Variants in RALGAPB observed in about 807,000 individuals in gnomAD.
RALGAPB encodes Ral GTPase activating protein non-catalytic subunit beta, also known as ral GTPase-activating protein subunit beta.
In RALGAPB, 25 loss-of-function variants were observed where a neutral mutation model predicts 161.1. The ratio of observed to expected loss-of-function variants is 0.16; its 90% CI spans 0.11 to 0.22. The LOEUF is 0.22. Ranked by LOEUF, RALGAPB falls within the 10% of genes least tolerant of loss-of-function variation. The probability of loss-of-function intolerance (pLI) is 1.00; values close to 1 mark genes in which losing one functional copy is unlikely to be tolerated. For missense variants in RALGAPB, 1,391 were observed against 1,815.2 expected (o/e 0.77, Z 4.25); for synonymous variants, 629 against 626.1 (o/e 1.00, Z -0.07).
chr20:38,549,585 TACAC>T lies in RALGAPB; in HGVS notation c.3009+804_3009+807del, dbSNP rs11470933. Among the ~76,000 whole-genome samples the T allele has an allele frequency of 1.7e-3, 252 of 147,400 alleles. 5 individuals carry two copies. In the East Asian group the frequency reaches 0.027, roughly 16 times the overall value. The stretch of plus-strand genomic sequence containing the variant: ...ATATACACACACACACACATACATA[TACAC>T]ACACACACACACATATGTATGCTGT... On this transcript the variant is annotated intron_variant, in intron 20 of 29. Transcript: ENST00000262879.
In RALGAPB at chr20:38,509,096, G is replaced by T; in HGVS notation, c.760G>T (p.Gly254Cys). 2 of 1,613,616 alleles carry T rather than the reference G, an allele frequency of 1.2e-6. No individual in the cohort carries two copies. Residue 254 changes from glycine to cysteine, a missense_variant, in exon 6 of 30, where the codon GGT becomes TGT. Gly to Cys is a radical substitution (Grantham distance 159). Transcript: ENST00000262879. Reference sequence around the variant, plus strand: ...TTCTAGATTGCTACGCTTTACATATGGTCCTTCATTTCCTGCATTTAAAGT... The same window carrying T: ...TTCTAGATTGCTACGCTTTACATATTGTCCTTCATTTCCTGCATTTAAAGT... ...LTSRLLRFTY[G>C]PSFPAFKVPD... is the part of the protein sequence containing the mutation.
At position 38,501,957 on chromosome 20, in the gene RALGAPB, A is replaced by T. The variant is rs552195333; in HGVS notation, c.740+2324A>T. Reference sequence around the variant, plus strand: ...CTTGTATCATTTACTACCATAAAATACACACAAATGTATTATACTAAATTA... The same window carrying T: ...CTTGTATCATTTACTACCATAAAATTCACACAAATGTATTATACTAAATTA... On this transcript the variant is annotated intron_variant, in intron 5 of 29. Coordinates refer to ENST00000262879, the MANE Select transcript of RALGAPB (RefSeq NM_020336.4). Among the ~76,000 whole-genome samples the T allele has an allele frequency of 6.6e-5, 10 of 152,342 alleles. No individual in the cohort carries two copies. The East Asian group carries it at 1.9e-3, about 29-fold the overall frequency.
intron 2 of RALGAPB, among the ~76,000 whole-genome samples, chr20:38,490,011 CTTTT>C (rs1279117242): frequency 1.4e-5 from 2 of 140,584 alleles, no homozygotes; most frequent in Non-Finnish European, 1.6e-5. Flanking sequence ...TGGAATTATA[CTTTT>C]TTTTTTTTTT....
At chr20:38,480,639 C>T (rs1368691567) in intron 1 of RALGAPB, among the ~76,000 whole-genome samples, 3 of 151,604 alleles carry the variant, frequency 2.0e-5, no homozygotes, top group Admixed American at 6.6e-5. Flanking sequence ...TCACCTGCGT[C>T]GGCCTCCCAA....
chr20:38,520,320 T>C (rs1387251518), intron 9 of RALGAPB: 1 of 781,906 alleles, frequency 1.3e-6, no homozygotes, highest in African/African-American at 1.9e-5. Context: ...GTCATGTTTT[T>C]ATTTTTTTCA....
intron 23 of RALGAPB, among the ~76,000 whole-genome samples, chr20:38,558,736 G>A (rs1056410416): frequency 5.9e-5 from 9 of 152,134 alleles, no homozygotes; most frequent in African/African-American, 1.9e-4. Context: ...ATAAATTATT[G>A]AACTGTAGGA....
intron 22 of RALGAPB, among the ~76,000 whole-genome samples, chr20:38,557,755 G>A (rs1461622378): frequency 6.6e-6 from 1 of 152,200 alleles, no homozygotes; most frequent in Non-Finnish European, 1.5e-5. Flanking sequence ...TTGTATGGAT[G>A]CACCACAGTT....
chr20:38,570,637 A>G lies in RALGAPB; in HGVS notation c.4064-132A>G, dbSNP rs144535349. 1.1e-3 allele frequency: 498 copies of G among 453,122 alleles called. 1 individual carries two copies. The highest frequency in any genetic ancestry group is 9.0e-3 in the African/African-American group (446 of 49,462). 28.1% of individuals were successfully genotyped at this position (453,122 alleles called of 1,614,324 possible). On this transcript the variant is annotated intron_variant, in intron 27 of 29. Transcript: ENST00000262879. ...TTTTAATTTGTAGAGAATAATTAAG[A>G]TGATATTTCAGGACAGCACAGTCCA...
intron 22 of RALGAPB, among the ~76,000 whole-genome samples, chr20:38,556,969 T>C (rs1280372544): frequency 6.6e-6 from 1 of 152,206 alleles, no homozygotes; most frequent in African/African-American, 2.4e-5. Flanking sequence ...AATATTAATG[T>C]CTTTTATTAG....
At chr20:38,533,703 A>C (rs916958916) in intron 15 of RALGAPB, among the ~76,000 whole-genome samples, 2 of 152,216 alleles carry the variant, frequency 1.3e-5, no homozygotes, top group Non-Finnish European at 2.9e-5. Context: ...TAAAGCCATT[A>C]TGTGGATATT....
intron 10 of RALGAPB, among the ~76,000 whole-genome samples, chr20:38,521,957 C>T (rs538276762): frequency 2.0e-5 from 3 of 152,334 alleles, no homozygotes; most frequent in South Asian, 2.1e-4. Flanking sequence ...CGAAGGACCA[C>T]AATTATTTGT....
At position 38,521,709 on chromosome 20, in the gene RALGAPB, TTTTG is replaced by T. The variant is rs774876713; in HGVS notation, c.1619+19_1619+22del. 1 of 1,611,720 alleles carries T rather than the reference TTTTG, an allele frequency of 6.2e-7. No homozygotes were observed. The highest frequency in any genetic ancestry group is 1.3e-5 in the African/African-American group (1 of 74,612). Reference sequence around the variant, plus strand: ...AGCTTATTTATCCAGGTCTTGGAATTTTTGTTTGTTTTTTCATTTATATAGTTTT... The same window carrying T: ...AGCTTATTTATCCAGGTCTTGGAATTTTTGTTTTTTCATTTATATAGTTTT... On this transcript the variant is annotated intron_variant, in intron 10 of 29. Transcript: ENST00000262879.
intron 28 of RALGAPB, among the ~76,000 whole-genome samples, chr20:38,571,112 A>T (rs1358680065): frequency 6.6e-6 from 1 of 152,186 alleles, no homozygotes; most frequent in Non-Finnish European, 1.5e-5. Flanking sequence ...ATGAGCTTGG[A>T]GATAAGTATA....
chr20:38,477,280 G>A (rs1235448419), intron 1 of RALGAPB, among the ~76,000 whole-genome samples: 1 of 152,164 alleles, frequency 6.6e-6, no homozygotes, highest in Non-Finnish European at 1.5e-5. Context: ...TGAAATAGCT[G>A]CTGTATTGGA....
chr20:38,511,863 T>A (rs966853290), intron 6 of RALGAPB, among the ~76,000 whole-genome samples: 3 of 151,956 alleles, frequency 2.0e-5, no homozygotes, highest in Admixed American at 2.0e-4. Context: ...CTAGACGGGG[T>A]GGCGGCCGGG....
intron 1 of RALGAPB, among the ~76,000 whole-genome samples, chr20:38,481,159 G>A (rs79684181): frequency 6.6e-6 from 1 of 152,028 alleles, no homozygotes; most frequent in Non-Finnish European, 1.5e-5. Flanking sequence ...ATCTTACCCT[G>A]TTGTTTTCCA....
intron 6 of RALGAPB, among the ~76,000 whole-genome samples, chr20:38,514,447 A>G (rs1194534825): frequency 6.6e-6 from 1 of 152,170 alleles, no homozygotes; most frequent in Admixed American, 6.5e-5. Flanking sequence ...AATTGGATCA[A>G]ATTATCTTCG....
intron 2 of RALGAPB, among the ~76,000 whole-genome samples, chr20:38,492,077 T>G (rs2085296527): frequency 2.0e-5 from 3 of 152,242 alleles, no homozygotes; most frequent in Non-Finnish European, 4.4e-5. Context: ...GCTGGATTTA[T>G]AATTGGTCAA....
At chr20:38,497,936 G>T (rs2085473199) in intron 4 of RALGAPB, among the ~76,000 whole-genome samples, 1 of 152,016 alleles carries the variant, frequency 6.6e-6, no homozygotes, top group South Asian at 2.1e-4. Context: ...AGGCGTGGTG[G>T]CACACACCTA....
Sources: allele counts gnomAD v4.1 joint callset (sites outside exome capture counted in the v4.1 genomes callset), GRCh38; gene constraint gnomAD v4.1.1; transcripts MANE v1.5; gene names NCBI Gene and HGNC (gene_info 2026-07-23, HGNC 2026-07-21).